Variants in MYH9 observed in about 807,000 individuals in gnomAD.
MYH9 encodes the protein myosin heavy chain 9.
A neutral mutation model predicts 241.9 loss-of-function variants in MYH9; 29 were observed. That is an observed-to-expected ratio of 0.12 (90% CI 0.09 to 0.16). MYH9 has a LOEUF of 0.16. MYH9 is among the 10% of genes least tolerant of loss of function. The pLI is 1.00. For missense variants in MYH9, 1,803 were observed against 2,595.5 expected (o/e 0.69, Z 6.63); for synonymous variants, 1,047 against 1,062.6 (o/e 0.99, Z 0.29).
At chr22:36,323,044 C>T (rs2017280714) in intron 5 of MYH9, among the ~76,000 whole-genome samples, 3 of 152,228 alleles carry the variant, frequency 2.0e-5, no homozygotes, top group Admixed American at 6.5e-5. Context: ...CCTCCACTGC[C>T]GCGTCCAAAA....
chr22:36,287,447 T>G (rs1049635262), intron 34 of MYH9, among the ~76,000 whole-genome samples: 2 of 152,086 alleles, frequency 1.3e-5, no homozygotes, highest in Non-Finnish European at 2.9e-5. Context: ...TTTTTACACT[T>G]AACATTTTTT....
intron 1 of MYH9, among the ~76,000 whole-genome samples, chr22:36,374,452 G>A (rs2018135643): frequency 2.0e-5 from 3 of 152,192 alleles, no homozygotes; most frequent in South Asian, 2.1e-4. Flanking sequence ...CCTGGGAGGC[G>A]GAGGTTGCAG....
At chr22:36,344,821 C>A (rs1337702090) in intron 2 of MYH9, among the ~76,000 whole-genome samples, 2 of 152,216 alleles carry the variant, frequency 1.3e-5, no homozygotes, top group Non-Finnish European at 2.9e-5. Flanking sequence ...AGGCCCTGTG[C>A]AAGCTCAGGC....
chr22:36,320,430 G>A lies in MYH9; in HGVS notation c.869-67C>T. On this transcript the variant is annotated intron_variant, in intron 8 of 40. Coordinates refer to ENST00000216181, the MANE Select transcript of MYH9 (RefSeq NM_002473.6). The surrounding 1 kb of genome is among the most constrained non-coding windows in gnomAD (Gnocchi z 4.8). Reference sequence around the variant, plus strand: ...AAAGTGGAGGCTCCATCAGCGCTGTGACCTCAAAGGTTGGAGAGACTGGGA... The same window carrying A: ...AAAGTGGAGGCTCCATCAGCGCTGTAACCTCAAAGGTTGGAGAGACTGGGA... 2 of 1,592,184 alleles carry A rather than the reference G, an allele frequency of 1.3e-6. No homozygotes were observed. The highest frequency in any genetic ancestry group is 1.7e-5 in the Admixed American group (1 of 60,012).
intron 7 of MYH9, 84 bp downstream of exon 7, chr22:36,321,674 G>C (rs1388131460): frequency 1.6e-6 from 2 of 1,286,798 alleles, no homozygotes; most frequent in East Asian, 2.3e-5. Context: ...GAAAGTGCTG[G>C]AATCAGGAGG....
At chr22:36,371,350 G>A (rs1041303085) in intron 1 of MYH9, among the ~76,000 whole-genome samples, 2 of 152,096 alleles carry the variant, frequency 1.3e-5, no homozygotes, top group African/African-American at 4.8e-5. Flanking sequence ...TGCACAGAGC[G>A]AAGACCATGT....
Position 36,285,858 on chromosome 22 carries a change from A to G in MYH9, c.5150+7T>C. 1 of 1,612,832 alleles carries G rather than the reference A, an allele frequency of 6.2e-7. No homozygotes were observed. Among genetic ancestry groups the G allele is most frequent in the Non-Finnish European group, 8.5e-7 (1 of 1,179,568 alleles). ...CCCCCCCAACTCTGCCCCCTCACTC[A>G]GCTCACCCTTTGCCGCTGCTGTTGG... On this transcript the variant is annotated splice_region_variant and intron_variant, in intron 36 of 40. Coordinates refer to ENST00000216181, the MANE Select transcript of MYH9 (RefSeq NM_002473.6). The surrounding 1 kb of genome is among the most constrained non-coding windows in gnomAD (Gnocchi z 7.0).
intron 25 of MYH9, 61 bp downstream of exon 25, chr22:36,296,782 C>G (rs1464647857): frequency 1.3e-6 from 2 of 1,525,580 alleles, no homozygotes; most frequent in East Asian, 4.6e-5. Context: ...CTAGGGCCAG[C>G]AGCAAGCAGG....
intron 1 of MYH9, among the ~76,000 whole-genome samples, chr22:36,356,773 A>G (rs2017864079): frequency 6.6e-6 from 1 of 152,184 alleles, no homozygotes; most frequent in Non-Finnish European, 1.5e-5. Flanking sequence ...ACGGACATGA[A>G]CCTAGGTGAC....
rs2146335166 is a variant in MYH9, at chr22:36,291,928, T to C, written c.4344+58A>G. 1.9e-6 allele frequency: 3 copies of C among 1,612,198 alleles called. No individual in the cohort carries two copies. The South Asian group carries it at 3.3e-5, about 18-fold the overall frequency. On this transcript the variant is annotated intron_variant, in intron 31 of 40. Transcript: ENST00000216181. ...AGGCTTTCTCTGATGGGCCCTTTGC[T>C]TTGGACTCAGTGCTTGAAGGAGAGG...
intron 13 of MYH9, 103 bp from the exon 14 acceptor site, chr22:36,312,325 G>T: frequency 8.5e-7 from 1 of 1,174,500 alleles, no homozygotes; most frequent in Non-Finnish European, 1.2e-6. Context: ...GAATCCCACA[G>T]ACGGTGGGCG....
In MYH9 at chr22:36,373,351, G is replaced by A. The variant is rs142188545; in HGVS notation, c.-20+14456C>T. ...AGCCTCCCTGTTGTCATGGTCCCTT[G>A]GAGACTTCTTCTCTCCCTCACTTCC... On this transcript the variant is annotated intron_variant, in intron 1 of 40. Transcript: ENST00000216181. Among the ~76,000 whole-genome samples the A allele has an allele frequency of 7.2e-5, 11 of 152,270 alleles. No homozygotes were observed. In the East Asian group the frequency reaches 2.1e-3, roughly 29 times the overall value.
intron 3 of MYH9, among the ~76,000 whole-genome samples, chr22:36,334,652 C>T (rs2017471202): frequency 2.0e-5 from 3 of 152,260 alleles, no homozygotes; most frequent in African/African-American, 7.2e-5. Context: ...CTTCATTAAG[C>T]GAGCAGGAGT....
intron 1 of MYH9, among the ~76,000 whole-genome samples, chr22:36,354,938 C>CA (rs911987224): frequency 4.2e-5 from 5 of 118,362 alleles, no homozygotes; most frequent in East Asian, 2.3e-4. Context: ...CTTAAAAAAA[C>CA]AAAAAAACAA....
At chr22:36,358,855 A>C (rs1445661957) in intron 1 of MYH9, among the ~76,000 whole-genome samples, 2 of 152,220 alleles carry the variant, frequency 1.3e-5, no homozygotes, top group African/African-American at 4.8e-5. Flanking sequence ...TCAGTTCAAA[A>C]TGGTTCGACA....
In MYH9 at chr22:36,288,224, C is replaced by T; in HGVS notation, c.4932+28G>A. On this transcript the variant is annotated intron_variant, in intron 34 of 40. Transcript: ENST00000216181. The surrounding 1 kb of genome is among the most constrained non-coding windows in gnomAD (Gnocchi z 4.8). ...AGTTGGCTCAGTCGGGTGCCGCCCACCCTCACCTGGGCCCCGCCCACCCTT... is the reference window on the plus strand; with the variant it reads ...AGTTGGCTCAGTCGGGTGCCGCCCATCCTCACCTGGGCCCCGCCCACCCTT... The T allele has an allele frequency of 1.9e-6, 3 of 1,612,512 alleles. No homozygotes were observed. The highest frequency in any genetic ancestry group is 2.5e-6 in the Non-Finnish European group (3 of 1,179,832).
chr22:36,318,405 G>A (rs561076030), intron 10 of MYH9, 80 bp from the exon 11 acceptor site: 3 of 1,130,700 alleles, frequency 2.7e-6, no homozygotes, highest in African/African-American at 3.1e-5. Context: ...AGACCCAAGA[G>A]AATAAGTCCC....
At chr22:36,344,694 G>A (rs917890390) in intron 2 of MYH9, among the ~76,000 whole-genome samples, 3 of 152,216 alleles carry the variant, frequency 2.0e-5, no homozygotes, top group African/African-American at 7.2e-5. Flanking sequence ...AAAGGTGTGG[G>A]CACTACCCAC....
chr22:36,289,258 C>T lies in MYH9; in HGVS notation c.4384G>A (p.Glu1462Lys). ...TCCGCCTCAGCCCGGTCGCGCTCCTCTGCATACTTGGCAGAGATGGTCTTC... is the reference window on the plus strand; with the variant it reads ...TCCGCCTCAGCCCGGTCGCGCTCCTTTGCATACTTGGCAGAGATGGTCTTC... Reference protein sequence around the residue: ...EEKTISAKYAEERDRAEAEAR... With the variant: ...EEKTISAKYAKERDRAEAEAR... Residue 1462 changes from glutamate to lysine, a missense_variant, in exon 32 of 41, where the codon GAG (glutamate) becomes AAG (lysine). By Grantham distance (56) the Glu-to-Lys change is moderately conservative. This residue lies in a region of MYH9 where 876 missense variants were observed against 1,077.8 expected (regional missense o/e 0.81). Coordinates refer to ENST00000216181, the MANE Select transcript of MYH9 (RefSeq NM_002473.6). The T allele has an allele frequency of 6.2e-7, 1 of 1,612,750 alleles. No homozygotes were observed. The highest frequency in any genetic ancestry group is 8.5e-7 in the Non-Finnish European group (1 of 1,179,956).
Sources: gnomAD v4.1 joint callset for allele counts (sites outside exome capture counted in the v4.1 genomes callset) on GRCh38, gnomAD v4.1.1 for gene constraint, gnomAD v4.1.1 regional missense constraint, Gnocchi (gnomAD v3.1) non-coding constraint, MANE v1.5 for transcripts, NCBI Gene and HGNC (gene_info 2026-07-23, HGNC 2026-07-21) for gene names.